GRIK1: variants seen among roughly 807,000 people sequenced by gnomAD.
The protein encoded by GRIK1 is glutamate ionotropic receptor kainate type subunit 1, also known as glutamate receptor ionotropic, kainate 1.
Under a neutral mutation model 105.7 loss-of-function variants are expected in GRIK1, and 69 were observed. The ratio of observed to expected loss-of-function variants is 0.65; its 90% CI spans 0.54 to 0.80. The LOEUF is 0.80. Ranked by LOEUF, GRIK1 falls within the 30% of genes least tolerant of loss-of-function variation. GRIK1 has a pLI of 0.00. For missense variants in GRIK1, 1,109 were observed against 1,167.3 expected, an observed-to-expected ratio of 0.95 and a Z score of 0.73; for synonymous variants, 438 against 431.3, an observed-to-expected ratio of 1.02 and a Z score of -0.19.
intron 1 of GRIK1, among the ~76,000 whole-genome samples, chr21:29,826,693 C>T (rs140373909): frequency 1.2e-3 from 178 of 151,444 alleles, no homozygotes; most frequent in African/African-American, 4.0e-3. Flanking sequence ...ATAGTATGAA[C>T]GTATATAAAT....
chr21:29,638,308 C>T (rs992871011), intron 7 of GRIK1, among the ~76,000 whole-genome samples: 2 of 152,026 alleles, frequency 1.3e-5, no homozygotes, highest in Non-Finnish European at 2.9e-5. Context: ...AGGGGAAGAG[C>T]CCCTTCTAAA....
chr21:29,931,456 G>T (rs892285649), intron 1 of GRIK1, among the ~76,000 whole-genome samples: 2 of 152,172 alleles, frequency 1.3e-5, no homozygotes, highest in Admixed American at 6.5e-5. Flanking sequence ...TGCATCACCT[G>T]TTATCAAGCG....
At chr21:29,938,289 G>A (rs1194652130) in intron 1 of GRIK1, among the ~76,000 whole-genome samples, 1 of 152,244 alleles carries the variant, frequency 6.6e-6, no homozygotes, top group Admixed American at 6.5e-5. Flanking sequence ...CACTCTTGCG[G>A]TTGAAAGTGG....
Position 29,806,995 on chromosome 21 carries a change from C to T in GRIK1, c.119-112932G>A, listed in dbSNP as rs186671688. Among the ~76,000 whole-genome samples the T allele has an allele frequency of 2.6e-5, 4 of 152,248 alleles. No homozygotes were observed. In the East Asian group the frequency reaches 7.7e-4, roughly 29 times the overall value. On this transcript the variant is annotated intron_variant, in intron 1 of 17. Transcript: ENST00000327783. ...GTAGCCCTTGTCTTTTCTCATTAAGCCCCATCTTCAATCCCTTTTCCATAC... is the reference window on the plus strand; with the variant it reads ...GTAGCCCTTGTCTTTTCTCATTAAGTCCCATCTTCAATCCCTTTTCCATAC...
chr21:29,877,483 A>G (rs146645995), intron 1 of GRIK1, among the ~76,000 whole-genome samples: 2 of 152,314 alleles, frequency 1.3e-5, no homozygotes, highest in African/African-American at 4.8e-5. Flanking sequence ...TAAATTTTAT[A>G]GAATGAAATA....
chr21:29,729,879 T>C (rs1356669018), intron 1 of GRIK1, among the ~76,000 whole-genome samples: 1 of 152,212 alleles, frequency 6.6e-6, no homozygotes, highest in Non-Finnish European at 1.5e-5. Context: ...GTTTTGGCTG[T>C]TTTTACATGC....
chr21:29,667,143 A>ATCCCTTAG (rs2063075297), intron 4 of GRIK1, among the ~76,000 whole-genome samples: 1 of 152,258 alleles, frequency 6.6e-6, no homozygotes, highest in Non-Finnish European at 1.5e-5. Flanking sequence ...CTTAGTGGGC[A>ATCCCTTAG]CATGTTTACC....
At chr21:29,561,926 G>A (rs913300318) in intron 14 of GRIK1, 77 bp from the exon 15 acceptor site, 1 of 787,124 alleles carries the variant, frequency 1.3e-6, no homozygotes, top group South Asian at 1.5e-5. Flanking sequence ...AAGTCCCAAT[G>A]GTTCAAATAA....
At chr21:29,901,577 C>G (rs1415803825) in intron 1 of GRIK1, among the ~76,000 whole-genome samples, 1 of 152,112 alleles carries the variant, frequency 6.6e-6, no homozygotes, top group African/African-American at 2.4e-5. Context: ...CACATACACC[C>G]TCCCAAGACT....
chr21:29,813,109 C>T (rs1365210718), intron 1 of GRIK1, among the ~76,000 whole-genome samples: 2 of 152,110 alleles, frequency 1.3e-5, no homozygotes, highest in African/African-American at 4.8e-5. Context: ...CAATACTCCT[C>T]TTTTCACATG....
At chr21:29,850,247 G>T (rs1328346228) in intron 1 of GRIK1, among the ~76,000 whole-genome samples, 2 of 152,024 alleles carry the variant, frequency 1.3e-5, no homozygotes, top group South Asian at 2.1e-4. Context: ...CATTTATGTA[G>T]ATCCTGGGTA....
At chr21:29,744,172 G>A (rs1167286898) in intron 1 of GRIK1, among the ~76,000 whole-genome samples, 1 of 152,160 alleles carries the variant, frequency 6.6e-6, no homozygotes, top group Non-Finnish European at 1.5e-5. Flanking sequence ...GTTCTTCTGG[G>A]GGTCTGCCTC....
At chr21:29,715,393 G>A (rs973499322) in intron 1 of GRIK1, among the ~76,000 whole-genome samples, 2 of 152,122 alleles carry the variant, frequency 1.3e-5, no homozygotes, top group African/African-American at 4.8e-5. Flanking sequence ...CTGGGACTAG[G>A]ATGAGGCAAG....
chr21:29,616,068 C>T (rs1240440023), intron 7 of GRIK1, among the ~76,000 whole-genome samples: 3 of 152,190 alleles, frequency 2.0e-5, no homozygotes, highest in Non-Finnish European at 2.9e-5. Context: ...GGGAACCCAT[C>T]CTGGACCTCT....
chr21:29,902,481 C>A (rs1458548848), intron 1 of GRIK1, among the ~76,000 whole-genome samples: 1 of 152,184 alleles, frequency 6.6e-6, no homozygotes, highest in African/African-American at 2.4e-5. Context: ...GCAAAAATCA[C>A]AAGCATTCTT....
At chr21:29,620,708 G>A (rs1181930053) in intron 7 of GRIK1, among the ~76,000 whole-genome samples, 1 of 147,698 alleles carries the variant, frequency 6.8e-6, no homozygotes, top group Non-Finnish European at 1.5e-5. Flanking sequence ...CTGAAGTTAA[G>A]TGAAAACCAG....
intron 7 of GRIK1, among the ~76,000 whole-genome samples, chr21:29,622,773 C>T (rs1375656167): frequency 1.3e-5 from 2 of 152,210 alleles, no homozygotes; most frequent in African/African-American, 4.8e-5. Flanking sequence ...CCTGAGAGCG[C>T]TTCCTCAATA....
chr21:29,613,083 TTATC>T (rs1350827521), intron 7 of GRIK1, among the ~76,000 whole-genome samples: 5 of 152,196 alleles, frequency 3.3e-5, no homozygotes, highest in African/African-American at 1.2e-4. Context: ...TTAATAGTCT[TTATC>T]TAGTCGTTGT....
At chr21:29,593,354 T>A (rs1238420413) in intron 9 of GRIK1, among the ~76,000 whole-genome samples, 1 of 152,152 alleles carries the variant, frequency 6.6e-6, no homozygotes, top group African/African-American at 2.4e-5. Flanking sequence ...ACATTATACG[T>A]CTAATGGTTG....
Sources: allele counts gnomAD v4.1 joint callset (sites outside exome capture counted in the v4.1 genomes callset), GRCh38; gene constraint gnomAD v4.1.1; transcripts MANE v1.5; gene names NCBI Gene and HGNC (gene_info 2026-07-23, HGNC 2026-07-21).